The following TMEM108 variants were observed in gnomAD, a reference collection of about 807,000 sequenced individuals.
The protein encoded by TMEM108 is transmembrane protein 108.
A neutral mutation model predicts 35.1 loss-of-function variants in TMEM108; 12 were observed. The ratio of observed to expected loss-of-function variants is 0.34; its 90% CI spans 0.22 to 0.55. The LOEUF (loss-of-function observed/expected upper bound fraction) is 0.55, where lower values mean the gene tolerates loss of function less well. Ranked by LOEUF, TMEM108 falls within the 20% of genes least tolerant of loss-of-function variation. The probability of loss-of-function intolerance (pLI) is 0.89; values close to 1 mark genes in which losing one functional copy is unlikely to be tolerated. For synonymous variants in TMEM108, 287 were observed against 308.6 expected (o/e 0.93, Z 0.73); for missense variants, 680 against 753.3 (o/e 0.90, Z 1.14).
intron 3 of TMEM108, among the ~76,000 whole-genome samples, chr3:133,264,608 A>G (rs928037326): frequency 1.3e-5 from 2 of 152,218 alleles, no homozygotes; most frequent in African/African-American, 4.8e-5. Flanking sequence ...TCACAAATTC[A>G]TCACACACAA....
chr3:133,339,791 CAA>C (rs565302747), intron 3 of TMEM108, among the ~76,000 whole-genome samples: 89 of 151,862 alleles, frequency 5.9e-4, no homozygotes, highest in Admixed American at 1.3e-3. Flanking sequence ...AAATCAATAA[CAA>C]GAGGAATTTA....
At chr3:133,045,598 A>G (rs1943330625) in intron 1 of TMEM108, among the ~76,000 whole-genome samples, 2 of 152,208 alleles carry the variant, frequency 1.3e-5, no homozygotes, top group Non-Finnish European at 2.9e-5. Flanking sequence ...AAGCTTCTTC[A>G]TACTGTTTTC....
intron 2 of TMEM108, among the ~76,000 whole-genome samples, chr3:133,165,495 G>GA (rs1405909139): frequency 1.3e-4 from 19 of 150,622 alleles, no homozygotes; most frequent in African/African-American, 3.6e-4. Flanking sequence ...GGTAAGTGGA[G>GA]AAAAAAAAAG....
At chr3:133,087,933 T>A (rs1943903243) in intron 2 of TMEM108, among the ~76,000 whole-genome samples, 1 of 152,146 alleles carries the variant, frequency 6.6e-6, no homozygotes, top group African/African-American at 2.4e-5. Context: ...GAGCCCACTC[T>A]CATAAAGTAA....
In TMEM108 at chr3:133,090,016, G is replaced by T. The variant is rs549235168; in HGVS notation, c.-47+43996G>T. Reference sequence around the variant, plus strand: ...CAGCCCTGTGGGTTGAACATAGGTTGTAGATTAAAATGAGACCAGCAAGCA... The same window carrying T: ...CAGCCCTGTGGGTTGAACATAGGTTTTAGATTAAAATGAGACCAGCAAGCA... On this transcript the variant is annotated intron_variant, in intron 2 of 5. Transcript: ENST00000321871. 7.7e-4 allele frequency among the ~76,000 whole-genome samples: 117 copies of T among 152,296 alleles called. 1 individual carries two copies. In the South Asian group the frequency reaches 0.024, roughly 31 times the overall value.
rs574460056 is a variant in TMEM108, at chr3:133,105,541, T to A, written c.-47+59521T>A. Among the ~76,000 whole-genome samples, 35 of 152,314 alleles carry A rather than the reference T, an allele frequency of 2.3e-4. No homozygotes were observed. In the South Asian group the frequency reaches 7.3e-3, roughly 32 times the overall value. The stretch of plus-strand genomic sequence containing the variant: ...AAAGTCAGCTCATTAGTAATCTTAA[T>A]TCTTTCTGCAAAGTTCCTTCACTGC... On this transcript the variant is annotated intron_variant, in intron 2 of 5. Coordinates refer to ENST00000321871, the MANE Select transcript of TMEM108 (RefSeq NM_023943.4).
chr3:133,165,246 C>A (rs1475612843), intron 2 of TMEM108, among the ~76,000 whole-genome samples: 1 of 152,130 alleles, frequency 6.6e-6, no homozygotes, highest in African/African-American at 2.4e-5. Context: ...ACCACCCTTT[C>A]CTGGTGAGGG....
intron 3 of TMEM108, among the ~76,000 whole-genome samples, chr3:133,270,548 G>C (rs1165039685): frequency 1.3e-5 from 2 of 152,116 alleles, no homozygotes; most frequent in Non-Finnish European, 2.9e-5. Flanking sequence ...CCTACCACCT[G>C]CTGCTGCTTT....
At chr3:133,339,921 T>C (rs1186396411) in intron 3 of TMEM108, among the ~76,000 whole-genome samples, 3 of 151,380 alleles carry the variant, frequency 2.0e-5, no homozygotes, top group African/African-American at 4.8e-5. Context: ...GAAAACACAA[T>C]ATACCAAACC....
chr3:133,369,787 C>G (rs2072604587), intron 3 of TMEM108, among the ~76,000 whole-genome samples: 1 of 152,114 alleles, frequency 6.6e-6, no homozygotes, highest in Non-Finnish European at 1.5e-5. Flanking sequence ...AGCAACCATA[C>G]CCTTACTTTG....
chr3:133,059,763 T>A (rs1037396309), intron 2 of TMEM108, among the ~76,000 whole-genome samples: 1 of 152,242 alleles, frequency 6.6e-6, no homozygotes, highest in Non-Finnish European at 1.5e-5. Context: ...TTGTTTTTGT[T>A]AAAGTTGTTC....
intron 2 of TMEM108, among the ~76,000 whole-genome samples, chr3:133,108,936 T>A (rs1000636642): frequency 2.0e-5 from 3 of 151,930 alleles, no homozygotes; most frequent in African/African-American, 7.3e-5. Context: ...TGTATACATA[T>A]GTAACAAACC....
chr3:133,248,611 TAAAAC>T (rs1176803633), intron 3 of TMEM108: 3 of 152,122 alleles, frequency 2.0e-5, no homozygotes, highest in Non-Finnish European at 2.9e-5. Context: ...TTTAAAAAAA[TAAAAC>T]AAACAGTAGC....
At chr3:133,296,988 C>A (rs1947154769) in intron 3 of TMEM108, among the ~76,000 whole-genome samples, 1 of 152,132 alleles carries the variant, frequency 6.6e-6, no homozygotes, top group Non-Finnish European at 1.5e-5. Context: ...CCCAGATAAC[C>A]AGTCAAGACA....
chr3:133,381,646 A>G (rs185013978), intron 4 of TMEM108, among the ~76,000 whole-genome samples: 54 of 152,108 alleles, frequency 3.6e-4, no homozygotes, highest in African/African-American at 1.3e-3. Context: ...ACAGCCTCCA[A>G]CTAGCAAACC....
At chr3:133,073,843 T>C (rs1278560886) in intron 2 of TMEM108, among the ~76,000 whole-genome samples, 1 of 152,064 alleles carries the variant, frequency 6.6e-6, no homozygotes, top group East Asian at 1.9e-4. Context: ...TTTGATAATA[T>C]TCATTCTAGC....
At chr3:133,381,273 C>T in intron 4 of TMEM108, 112 bp downstream of exon 4, 1 of 1,199,034 alleles carries the variant, frequency 8.3e-7, no homozygotes, top group Non-Finnish European at 1.2e-6. Context: ...ACAAAAATTC[C>T]CAGAATCTCA....
Position 133,306,466 on chromosome 3 carries a change from A to G in TMEM108, c.41-73286A>G, listed in dbSNP as rs567843137. On this transcript the variant is annotated intron_variant, in intron 3 of 5. Coordinates refer to ENST00000321871, the MANE Select transcript of TMEM108 (RefSeq NM_023943.4). The stretch of plus-strand genomic sequence containing the variant: ...TGTGCCATGTTGATTTGCTGCACCC[A>G]TTAACTTGTCATTTACATTAGGTAT... Among the ~76,000 whole-genome samples the G allele has an allele frequency of 2.2e-4, 33 of 152,234 alleles. No individual in the cohort carries two copies. In the East Asian group the frequency reaches 6.0e-3, roughly 28 times the overall value.
intron 2 of TMEM108, among the ~76,000 whole-genome samples, chr3:133,225,991 T>C (rs937868584): frequency 6.6e-6 from 1 of 152,192 alleles, no homozygotes; most frequent in African/African-American, 2.4e-5. Context: ...GTTTTATAAG[T>C]TTTATAAGAC....
Sources: allele counts gnomAD v4.1 joint callset (sites outside exome capture counted in the v4.1 genomes callset), GRCh38; gene constraint gnomAD v4.1.1; transcripts MANE v1.5; gene names NCBI Gene and HGNC (gene_info 2026-07-23, HGNC 2026-07-21).